Variants in HERC1 observed in about 807,000 individuals in gnomAD.
The protein encoded by HERC1 is probable E3 ubiquitin-protein ligase HERC1.
A neutral mutation model predicts 554.3 loss-of-function variants in HERC1; 160 were observed. That is an observed-to-expected ratio of 0.29 (90% confidence interval 0.25 to 0.33). The LOEUF is 0.33. Among genes scored for constraint, HERC1 ranks in the 10% least tolerant of loss-of-function variants. HERC1 has a pLI of 1.00. For missense variants in HERC1, 4,919 were observed against 5,918.5 expected, an observed-to-expected ratio of 0.83 and a Z score of 5.54; for synonymous variants, 2,175 against 2,131.7, an observed-to-expected ratio of 1.02 and a Z score of -0.56.
In HERC1 at chr15:63,616,609, C is replaced by A. The variant is rs1022869035; in HGVS notation, c.13762G>T (p.Val4588Phe). The change falls in exon 75 of 78, where the codon GTT (valine) becomes TTT (phenylalanine). Residue 4588 changes from valine (V) to phenylalanine (F), a missense_variant. By Grantham distance (50) the Val-to-Phe change is conservative (BLOSUM62 -1). Transcript: ENST00000443617. ...AGAGGCTTCTTTGTGCGAATGGCAA[C>A]CCCCATTAAAATTCCTAAAAACTTA... ...QFKFLGILMG[V>F]AIRTKKPLDL... is the part of the protein sequence containing the mutation. 6.2e-7 allele frequency: 1 copy of A among 1,613,860 alleles called. No homozygotes were observed. The highest frequency in any genetic ancestry group is 8.5e-7 in the Non-Finnish European group (1 of 1,179,866).
chr15:63,805,025 A>G (rs377346681), intron 1 of HERC1, among the ~76,000 whole-genome samples: 7 of 152,342 alleles, frequency 4.6e-5, no homozygotes, highest in South Asian at 2.1e-4. Flanking sequence ...TTGGCAGTTT[A>G]TCATAAACAC....
chr15:63,718,464 A>G lies in HERC1; in HGVS notation c.3978+110T>C. The G allele has an allele frequency of 1.0e-6, 1 of 998,566 alleles. No homozygotes were observed. The highest frequency in any genetic ancestry group is 1.9e-5 in the South Asian group (1 of 51,934). 61.9% of individuals were successfully genotyped at this position (998,566 alleles called of 1,614,324 possible). A position where few individuals can be genotyped will look rare whatever the true frequency, so the allele number is the denominator to read the frequency against. On this transcript the variant is annotated intron_variant, in intron 21 of 77. Coordinates refer to ENST00000443617, the MANE Select transcript of HERC1 (RefSeq NM_003922.4). The surrounding 1 kb of genome is among the most constrained non-coding windows in gnomAD (Gnocchi z 4.2). ...CTAGGAAAAGAACTACTCAACATGTATTGAACATATGCAATAACCAAGGCA... is the reference window on the plus strand; with the variant it reads ...CTAGGAAAAGAACTACTCAACATGTGTTGAACATATGCAATAACCAAGGCA...
At chr15:63,823,292 T>C (rs1351140385) in intron 1 of HERC1, among the ~76,000 whole-genome samples, 1 of 152,186 alleles carries the variant, frequency 6.6e-6, no homozygotes, top group Admixed American at 6.5e-5. Context: ...GGGCTTAGGC[T>C]GAAGACATAA....
chr15:63,742,570 G>T (rs1158671902), intron 12 of HERC1, among the ~76,000 whole-genome samples: 2 of 152,124 alleles, frequency 1.3e-5, no homozygotes, highest in African/African-American at 4.8e-5. Context: ...AAGGTTTTCA[G>T]TCTTTCTCCA....
intron 1 of HERC1, among the ~76,000 whole-genome samples, chr15:63,830,906 T>C (rs2078130184): frequency 6.6e-6 from 1 of 152,168 alleles, no homozygotes. Flanking sequence ...AGTAAACAAC[T>C]ACTTTATGCT....
chr15:63,641,356 A>G, intron 60 of HERC1, 114 bp downstream of exon 60: 3 of 808,170 alleles, frequency 3.7e-6, no homozygotes, highest in Non-Finnish European at 5.4e-6. Flanking sequence ...CTGCCCAAAT[A>G]GCCCCACTTA....
chr15:63,785,837 A>G (rs1433711447), intron 1 of HERC1, among the ~76,000 whole-genome samples: 1 of 152,148 alleles, frequency 6.6e-6, no homozygotes, highest in Non-Finnish European at 1.5e-5. Context: ...AGAAAAATTC[A>G]AAAACAACAG....
intron 25 of HERC1, among the ~76,000 whole-genome samples, chr15:63,700,810 T>C (rs2153075690): frequency 6.6e-6 from 1 of 151,742 alleles, no homozygotes; most frequent in South Asian, 2.1e-4. Context: ...TGAATATTCT[T>C]TCATGTGACA....
Position 63,609,136 on chromosome 15 carries a change from T to C in HERC1, c.14531A>G (p.Asn4844Ser). Residue 4844 changes from asparagine to serine, a missense_variant, in exon 78 of 78, where the codon AAC becomes AGC. Transcript: ENST00000443617. ...INNCRSIDMD[N>S]YMLSRNVDNA... ...GTCCACGTTTCTCGAGAGCATGTAG[T>C]TGTCCATGTCGATTGAGCGGCAGTT... is the stretch of plus-strand genomic sequence containing the variant. 1.2e-6 allele frequency: 2 copies of C among 1,613,974 alleles called. No individual in the cohort carries two copies. Among genetic ancestry groups the C allele is most frequent in the Non-Finnish European group, 1.7e-6 (2 of 1,179,866 alleles).
At chr15:63,744,112 G>C (rs1371141662) in intron 12 of HERC1, among the ~76,000 whole-genome samples, 4 of 57,860 alleles carry the variant, frequency 6.9e-5, no homozygotes, top group Admixed American at 5.3e-4. Context: ...CAAACAGACT[G>C]TGTGTGTGTG....
At position 63,774,989 on chromosome 15, in the gene HERC1, C is replaced by T. The variant is rs556243484; in HGVS notation, c.635G>A (p.Ser212Asn). 7.4e-6 allele frequency: 12 copies of T among 1,614,028 alleles called. No individual in the cohort carries two copies. Among genetic ancestry groups the T allele is most frequent in the South Asian group, 1.1e-5 (1 of 91,084 alleles). Residue 212 changes from serine (S) to asparagine (N), a missense_variant, in exon 2 of 78, where the codon AGC (serine) becomes AAC (asparagine). Ser to Asn is a conservative substitution (Grantham distance 46). Around this residue, in one of 11 missense-constraint regions of HERC1, gnomAD observed 744 missense variants for 1,090.0 expected, o/e 0.68. Coordinates refer to ENST00000443617, the MANE Select transcript of HERC1 (RefSeq NM_003922.4). The part of the protein sequence containing the change: ...SLPPLSLANE[S>N]KIPPMGLDCL... The stretch of plus-strand genomic sequence containing the variant: ...GTCCAAGCCCATAGGAGGAATCTTG[C>T]TTTCATTTGCTAATGATAATGGTGG...
intron 46 of HERC1, among the ~76,000 whole-genome samples, chr15:63,660,530 T>C (rs867339762): frequency 2.0e-5 from 3 of 152,134 alleles, no homozygotes; most frequent in Admixed American, 6.5e-5. Flanking sequence ...CAGCTGGTAA[T>C]AGAGGTTTAA....
At chr15:63,646,947 G>A (rs2069381993) in intron 55 of HERC1, among the ~76,000 whole-genome samples, 2 of 151,936 alleles carry the variant, frequency 1.3e-5, no homozygotes, top group African/African-American at 4.8e-5. Flanking sequence ...CTAATCATCA[G>A]AGAAAAGCAA....
At chr15:63,772,810 CTTAT>C (rs1567110693) in intron 2 of HERC1, among the ~76,000 whole-genome samples, 1 of 152,058 alleles carries the variant, frequency 6.6e-6, no homozygotes, top group Admixed American at 6.5e-5. Context: ...GCATGCTTTT[CTTAT>C]TTATTTTTAT....
intron 68 of HERC1, chr15:63,632,396 T>C: frequency 2.6e-6 from 1 of 387,374 alleles, no homozygotes; most frequent in South Asian, 2.3e-5. Context: ...ACAGAGGAGC[T>C]CTGATGGTCA....
intron 25 of HERC1, among the ~76,000 whole-genome samples, chr15:63,700,886 AAAG>A (rs2072681700): frequency 6.6e-6 from 1 of 151,996 alleles, no homozygotes; most frequent in African/African-American, 2.4e-5. Context: ...AAAAATATTT[AAAG>A]AATAAAGTAG....
intron 1 of HERC1, among the ~76,000 whole-genome samples, chr15:63,822,468 C>T (rs1009268989): frequency 2.0e-5 from 3 of 151,900 alleles, no homozygotes; most frequent in Non-Finnish European, 2.9e-5. Context: ...TGCCTGTAAT[C>T]CCAGCAACTC....
chr15:63,755,462 CTG>C, intron 5 of HERC1, 137 bp from the exon 6 acceptor site: 1 of 705,176 alleles, frequency 1.4e-6, no homozygotes, highest in Admixed American at 2.2e-5. Context: ...GTTGTGGAGG[CTG>C]TGTTCAGGCC....
rs557066917 is a variant in HERC1 at position 63,800,062 on chromosome 15, G to T, written c.-26-24413C>A. ...GGCAGGAGGATCCCTTGAGCCACAG[G>T]AGGTCAAGGCTACAGTGAGCTGTGA... On this transcript the variant is annotated intron_variant, in intron 1 of 77. Transcript: ENST00000443617. Among the ~76,000 whole-genome samples the T allele has an allele frequency of 2.3e-3, 355 of 152,232 alleles. 4 individuals are homozygous for T. The highest frequency in any genetic ancestry group is 8.4e-3 in the African/African-American group (350 of 41,546).
Sources: allele counts gnomAD v4.1 joint callset (sites outside exome capture counted in the v4.1 genomes callset), GRCh38; gene constraint gnomAD v4.1.1; regional missense constraint gnomAD v4.1.1; non-coding constraint Gnocchi (gnomAD v3.1); transcripts MANE v1.5; gene names NCBI Gene and HGNC (gene_info 2026-07-23, HGNC 2026-07-21).